The following DPCD variants were observed in gnomAD, a reference collection of about 807,000 sequenced individuals.
DPCD encodes deleted in primary ciliary dyskinesia homolog (mouse).
In DPCD, 20 loss-of-function variants were observed where a neutral mutation model predicts 26.4. The observed-to-expected ratio is 0.76, with a 90% CI of 0.53 to 1.10. The LOEUF (loss-of-function observed/expected upper bound fraction) is 1.10, where lower values mean the gene tolerates loss of function less well. Among genes scored for constraint, DPCD ranks in the 50% least tolerant of loss-of-function variants. DPCD has a pLI of 0.00. For synonymous variants in DPCD, 97 were observed against 94.2 expected (o/e 1.03, Z -0.17); for missense variants, 202 against 253.9 (o/e 0.80, Z 1.39).
intron 4 of DPCD, among the ~76,000 whole-genome samples, chr10:101,607,715 C>T (rs1457808709): frequency 6.6e-6 from 1 of 150,934 alleles, no homozygotes; most frequent in Non-Finnish European, 1.5e-5. Flanking sequence ...CTCCCCAGGC[C>T]TCTCACTTGA....
intron 1 of DPCD, among the ~76,000 whole-genome samples, chr10:101,593,630 C>T (rs2063628961): frequency 6.6e-6 from 1 of 152,034 alleles, no homozygotes; most frequent in Non-Finnish European, 1.5e-5. Context: ...ACTCTGTTGC[C>T]CAGGCTGGAG....
chr10:101,588,465 G>C, intron 1 of DPCD, 65 bp downstream of exon 1: 1 of 1,544,664 alleles, frequency 6.5e-7, no homozygotes, highest in Non-Finnish European at 8.7e-7. Flanking sequence ...TCCGGGAAGG[G>C]CCTCAGGGCC....
intron 1 of DPCD, among the ~76,000 whole-genome samples, chr10:101,589,643 G>A (rs956291212): frequency 6.6e-6 from 1 of 152,034 alleles, no homozygotes; most frequent in African/African-American, 2.4e-5. Context: ...ATGTTGGGAG[G>A]CCGAGTGGGC....
At chr10:101,589,569 C>T (rs1169694606) in intron 1 of DPCD, among the ~76,000 whole-genome samples, 1 of 152,048 alleles carries the variant, frequency 6.6e-6, no homozygotes, top group African/African-American at 2.4e-5. Flanking sequence ...ATGGCCAAAC[C>T]TCATCTCTAC....
chr10:101,600,012 T>C lies in DPCD; in HGVS notation c.146-726T>C, dbSNP rs1403447376. Among the ~76,000 whole-genome samples, 3 of 152,226 alleles carry C rather than the reference T, an allele frequency of 2.0e-5. No individual in the cohort carries two copies. Among genetic ancestry groups the C allele is most frequent in the African/African-American group, 7.2e-5 (3 of 41,464 alleles). On this transcript the variant is annotated intron_variant, in intron 2 of 5. Coordinates refer to ENST00000370151, the MANE Select transcript of DPCD (RefSeq NM_015448.3). This position sits in a 1 kb window ranked among gnomAD's most constrained non-coding sequence, Gnocchi z 4.7. Reference sequence around the variant, plus strand: ...CTTGATTTATAATTTTCATAATATATGTGCCTTAAAATCTTATGCAAGCAT... The same window carrying C: ...CTTGATTTATAATTTTCATAATATACGTGCCTTAAAATCTTATGCAAGCAT...
chr10:101,609,150 G>C (rs1400879353), intron 5 of DPCD: 2 of 642,492 alleles, frequency 3.1e-6, no homozygotes, highest in Non-Finnish European at 5.4e-6. Flanking sequence ...AGAGGGTAGA[G>C]GGTGAAAGGG....
At chr10:101,598,611 C>CTTTTTTTTTTTTTTTTTTTTTTTTTTTTT (rs71016333) in intron 2 of DPCD, among the ~76,000 whole-genome samples, 1 of 74,952 alleles carries the variant, frequency 1.3e-5, no homozygotes, top group Non-Finnish European at 2.4e-5. Context: ...TAGATGCTTT[C>CTTTTTTTTTTTTTTTTTTTTTTTTTTTTT]TTTTTTTTTT....
At chr10:101,588,827 C>T (rs1022614123) in intron 1 of DPCD, among the ~76,000 whole-genome samples, 17 of 152,204 alleles carry the variant, frequency 1.1e-4, no homozygotes, top group African/African-American at 3.6e-4. Context: ...TCAGTCGGCT[C>T]CTTTACTTGT....
At chr10:101,605,306 G>T in intron 4 of DPCD, 1 of 1,510,058 alleles carries the variant, frequency 6.6e-7, no homozygotes, top group East Asian at 2.5e-5. Context: ...CTGGCCTCTG[G>T]TGCCCTTTTG....
At chr10:101,588,527 A>G (rs745878776) in intron 1 of DPCD, 127 bp downstream of exon 1, 9 of 1,484,928 alleles carry the variant, frequency 6.1e-6, no homozygotes, top group African/African-American at 1.4e-5. Context: ...CAGGTCCTGC[A>G]TTTGCAGATG....
Position 101,588,398 on chromosome 10 carries a change from A to G in DPCD, c.62A>G (p.Asp21Gly). 1 of 1,592,682 alleles carries G rather than the reference A, an allele frequency of 6.3e-7. No individual in the cohort carries two copies. Among genetic ancestry groups the G allele is most frequent in the Non-Finnish European group, 8.6e-7 (1 of 1,168,430 alleles). ...GCCCAGAAGACTGCGCTGCTGCAGG[A>G]CGGTAACTCGAGGGTCCCCACGGGC... ...RTAQKTALLQDGRRKVHYLFP... is the reference protein window; with the variant it reads ...RTAQKTALLQGGRRKVHYLFP... The change falls in exon 1 of 6, where the codon GAC becomes GGC. Residue 21 changes from aspartate (D) to glycine (G), a missense_variant and splice_region_variant. Transcript: ENST00000370151.
At chr10:101,609,120 C>T (rs1394839237) in intron 5 of DPCD, 183 bp downstream of exon 5, 3 of 652,112 alleles carry the variant, frequency 4.6e-6, no homozygotes, top group Non-Finnish European at 8.0e-6. Flanking sequence ...AGGAGCCTGA[C>T]CATATAATTC....
At chr10:101,608,959 T>G in intron 5 of DPCD, 22 bp downstream of exon 5, 1 of 1,573,070 alleles carries the variant, frequency 6.4e-7, no homozygotes, top group Non-Finnish European at 8.7e-7. Context: ...CCAGACTTCT[T>G]GGACACTGCA....
At chr10:101,594,584 G>A in intron 1 of DPCD, 74 bp from the exon 2 acceptor site, 1 of 1,494,128 alleles carries the variant, frequency 6.7e-7, no homozygotes, top group Middle Eastern at 1.7e-4. Flanking sequence ...CTGTTTCCCA[G>A]GTAGGCCCCT....
Position 101,608,398 on chromosome 10 carries a change from C to T in DPCD, c.405-437C>T, listed in dbSNP as rs2241290. Among the ~76,000 whole-genome samples, 1,036 of 152,298 alleles carry T rather than the reference C, an allele frequency of 6.8e-3. 48 individuals are homozygous for T. In the East Asian group the frequency reaches 0.13, roughly 19 times the overall value. On this transcript the variant is annotated intron_variant, in intron 4 of 5. Coordinates refer to ENST00000370151, the MANE Select transcript of DPCD (RefSeq NM_015448.3). ...CCCATGTAAATGGTAACAGTAGGGC[C>T]CCAGCTTTGGGAGACAGATCTGAAT...
At position 101,600,861 on chromosome 10, in the gene DPCD, A is replaced by G. The variant is rs1182847960; in HGVS notation, c.269A>G (p.Asn90Ser). ...GPELIKESNA[N>S]PIFMRKDTKM... ...GAACTCATCAAGGAAAGCAATGCCA[A>G]TGTACGTCCATCTGTCCAGGTGTCT... is the stretch of plus-strand genomic sequence containing the variant. Residue 90 changes from asparagine (N) to serine (S), a missense_variant and splice_region_variant, in exon 3 of 6, where the codon AAT becomes AGT. By Grantham distance (46) the Asn-to-Ser change is conservative. Around this residue, in one of 3 missense-constraint regions of DPCD, gnomAD observed 118 missense variants for 145.1 expected, o/e 0.81. Transcript: ENST00000370151. This position sits in a 1 kb window ranked among gnomAD's most constrained non-coding sequence, Gnocchi z 4.7. The G allele has an allele frequency of 6.2e-7, 1 of 1,612,054 alleles. No individual in the cohort carries two copies. Among genetic ancestry groups the G allele is most frequent in the South Asian group, 1.1e-5 (1 of 91,032 alleles).
chr10:101,601,404 C>T (rs766643324), intron 4 of DPCD, 68 bp downstream of exon 4: 7 of 1,533,940 alleles, frequency 4.6e-6, no homozygotes, highest in African/African-American at 4.2e-5. Flanking sequence ...TTTGATCTGG[C>T]GTTAGGATCA....
intron 2 of DPCD, among the ~76,000 whole-genome samples, chr10:101,599,895 C>T (rs1427829227): frequency 2.0e-5 from 3 of 152,196 alleles, no homozygotes; most frequent in Non-Finnish European, 4.4e-5. Flanking sequence ...GAGGTCATGG[C>T]TCAGAAAAGA....
In DPCD at chr10:101,588,405, C is replaced by G; in HGVS notation, c.64+5C>G. On this transcript the variant is annotated splice_donor_5th_base_variant and intron_variant, in intron 1 of 5. Coordinates refer to ENST00000370151, the MANE Select transcript of DPCD (RefSeq NM_015448.3). Reference sequence around the variant, plus strand: ...AGACTGCGCTGCTGCAGGACGGTAACTCGAGGGTCCCCACGGGCTCCTTCG... The same window carrying G: ...AGACTGCGCTGCTGCAGGACGGTAAGTCGAGGGTCCCCACGGGCTCCTTCG... The G allele has an allele frequency of 1.3e-6, 2 of 1,589,636 alleles. No individual in the cohort carries two copies. The highest frequency in any genetic ancestry group is 1.7e-6 in the Non-Finnish European group (2 of 1,167,062).
Sources: allele counts gnomAD v4.1 joint callset (sites outside exome capture counted in the v4.1 genomes callset), GRCh38; gene constraint gnomAD v4.1.1; regional missense constraint gnomAD v4.1.1; non-coding constraint Gnocchi (gnomAD v3.1); transcripts MANE v1.5; gene names NCBI Gene and HGNC (gene_info 2026-07-23, HGNC 2026-07-21).